The following EXOC2 variants were observed in gnomAD, a reference collection of about 807,000 sequenced individuals.
EXOC2 encodes the protein SEC5-like 1.
EXOC2 carries 70 observed loss-of-function variants against 131.8 expected under a neutral mutation model. The ratio of observed to expected loss-of-function variants is 0.53; its 90% CI spans 0.44 to 0.65. EXOC2 has a LOEUF of 0.65. Ranked by LOEUF, EXOC2 falls within the 30% of genes least tolerant of loss-of-function variation. The probability of loss-of-function intolerance (pLI) is 0.00; values close to 1 mark genes in which losing one functional copy is unlikely to be tolerated. For missense variants in EXOC2, 923 were observed against 1,108.6 expected (o/e 0.83, Z 2.38); for synonymous variants, 411 against 398.4 (o/e 1.03, Z -0.38).
rs185260534 is a variant in EXOC2, at chr6:593,377, G to A, written c.1074-790C>T. Among the ~76,000 whole-genome samples, 447 of 152,250 alleles carry A rather than the reference G, an allele frequency of 2.9e-3. 3 individuals carry two copies. Among genetic ancestry groups the A allele is most frequent in the African/African-American group, 0.01 (431 of 41,542 alleles). The stretch of plus-strand genomic sequence containing the variant: ...AAAACTAGCTAAATGAGGGCTAACC[G>A]AACTGTGAAGAGATTTGGTGACAAC... On this transcript the variant is annotated intron_variant, in intron 10 of 27. Transcript: ENST00000230449.
At chr6:622,661 G>A (rs550170300) in intron 4 of EXOC2, among the ~76,000 whole-genome samples, 23 of 152,304 alleles carry the variant, frequency 1.5e-4, no homozygotes, top group African/African-American at 4.3e-4. Flanking sequence ...TGGCAGCTAC[G>A]TCATACTCCA....
At chr6:554,836 A>C (rs1757335585) in intron 20 of EXOC2, among the ~76,000 whole-genome samples, 1 of 152,344 alleles carries the variant, frequency 6.6e-6, no homozygotes, top group Middle Eastern at 3.4e-3. Flanking sequence ...CTGGAGCTCC[A>C]ATAACTAAGC....
chr6:572,525 T>C lies in EXOC2; in HGVS notation c.1438A>G (p.Ser480Gly). Residue 480 changes from serine (S) to glycine (G), a missense_variant, in exon 13 of 28, where the codon AGT (serine) becomes GGT (glycine). Coordinates refer to ENST00000230449, the MANE Select transcript of EXOC2 (RefSeq NM_018303.6). ...WISYVNGSLF[S>G]ETAEKSGQIE... ...AGCCGAGTCCGTATACACACCTCAC[T>C]GAAGAGGCTTCCATTAACGTAGGAG... 6.2e-7 allele frequency: 1 copy of C among 1,613,924 alleles called. No homozygotes were observed. Among genetic ancestry groups the C allele is most frequent in the Non-Finnish European group, 8.5e-7 (1 of 1,179,914 alleles).
At chr6:490,257 TCTAAAA>T (rs1057459938) in intron 26 of EXOC2, among the ~76,000 whole-genome samples, 3 of 152,174 alleles carry the variant, frequency 2.0e-5, no homozygotes, top group African/African-American at 4.8e-5. Context: ...TACCTTATAC[TCTAAAA>T]CTAAGTCAGC....
chr6:660,003 G>C (rs561224751), intron 1 of EXOC2, among the ~76,000 whole-genome samples: 1 of 150,472 alleles, frequency 6.6e-6, no homozygotes, highest in African/African-American at 2.4e-5. Context: ...GTTGGGGGGG[G>C]GACACGGGGG....
chr6:649,154 A>G (rs1327033366), intron 1 of EXOC2, among the ~76,000 whole-genome samples: 1 of 152,164 alleles, frequency 6.6e-6, no homozygotes, highest in Non-Finnish European at 1.5e-5. Flanking sequence ...CCTCCAGAGT[A>G]GCTGGAACTA....
At chr6:604,289 G>A (rs1760273182) in intron 7 of EXOC2, among the ~76,000 whole-genome samples, 1 of 152,126 alleles carries the variant, frequency 6.6e-6, no homozygotes, top group Admixed American at 6.5e-5. Flanking sequence ...TTTTCCCTAT[G>A]TAACATGTCA....
At chr6:604,217 G>A (rs747209345) in intron 7 of EXOC2, among the ~76,000 whole-genome samples, 3 of 151,996 alleles carry the variant, frequency 2.0e-5, no homozygotes, top group Non-Finnish European at 4.4e-5. Context: ...CTCCTTATGC[G>A]CCAAACGTGC....
chr6:656,694 G>A (rs146735242), intron 1 of EXOC2: 3 of 1,605,640 alleles, frequency 1.9e-6, no homozygotes, highest in East Asian at 2.2e-5. Flanking sequence ...CAGGTGCTCC[G>A]CCGTCAGCTC....
At chr6:535,746 CACAA>C (rs1766404847) in intron 22 of EXOC2, among the ~76,000 whole-genome samples, 1 of 152,124 alleles carries the variant, frequency 6.6e-6, no homozygotes. Context: ...TTATAGCACA[CACAA>C]ACATTTTCAT....
intron 17 of EXOC2, among the ~76,000 whole-genome samples, chr6:560,176 T>G (rs1258540346): frequency 2.0e-5 from 3 of 152,240 alleles, no homozygotes. Flanking sequence ...TGTCCAGAGC[T>G]TTGCAGTTTA....
chr6:608,096 T>A (rs578017880), intron 7 of EXOC2, among the ~76,000 whole-genome samples: 35 of 152,386 alleles, frequency 2.3e-4, no homozygotes, highest in African/African-American at 8.4e-4. Context: ...CTCATACTCA[T>A]TTATGCTTTC....
chr6:649,700 C>T (rs139066687), intron 1 of EXOC2, among the ~76,000 whole-genome samples: 317 of 152,282 alleles, frequency 2.1e-3, no homozygotes, highest in African/African-American at 6.8e-3. Flanking sequence ...TAAATATACA[C>T]GCAAGAGTAA....
chr6:576,234 T>A (rs1758569851), intron 12 of EXOC2, among the ~76,000 whole-genome samples: 1 of 152,148 alleles, frequency 6.6e-6, no homozygotes. Flanking sequence ...TCATGTTGTA[T>A]CTCAAATAGG....
intron 22 of EXOC2, among the ~76,000 whole-genome samples, chr6:548,069 T>A (rs537476750): frequency 1.4e-4 from 22 of 152,200 alleles, no homozygotes; most frequent in Non-Finnish European, 2.6e-4. Context: ...GCAACCACCT[T>A]CTACAAATAG....
chr6:505,090 C>T (rs935324054), intron 23 of EXOC2, among the ~76,000 whole-genome samples: 1 of 151,244 alleles, frequency 6.6e-6, no homozygotes, highest in African/African-American at 2.4e-5. Context: ...TTGAGTGGTA[C>T]AAGGAATGGC....
rs764311872 is a variant in EXOC2, at chr6:562,835, T to A, written c.1800A>T (p.Arg600Ser). The A allele has an allele frequency of 8.2e-6, 13 of 1,592,082 alleles. No homozygotes were observed. The highest frequency in any genetic ancestry group is 1.2e-5 in the South Asian group (1 of 84,524). Residue 600 changes from arginine (R) to serine (S), a missense_variant, in exon 17 of 28, where the codon AGA becomes AGT. Arg to Ser is a moderately radical substitution (Grantham distance 110). Coordinates refer to ENST00000230449, the MANE Select transcript of EXOC2 (RefSeq NM_018303.6). The stretch of plus-strand genomic sequence containing the variant: ...CAATCCAGTCTTCTTTTTCAGCTAA[T>A]CTCTTTATTTCTATATGAGAAGAAG... ...TLQHTAEEIK[R>S]LAEKEDWIVD...
rs527237849 is a variant in EXOC2 at position 691,822 on chromosome 6, A to G, written c.-44+1197T>C. ...ACTTCCAAGAGTTGGTCCAAGTCAC[A>G]CTGGGGGAACTCTGCTTCTCTGCTT... On this transcript the variant is annotated intron_variant, in intron 1 of 27. Coordinates refer to ENST00000230449, the MANE Select transcript of EXOC2 (RefSeq NM_018303.6). 3.9e-5 allele frequency among the ~76,000 whole-genome samples: 6 copies of G among 152,374 alleles called. No individual in the cohort carries two copies. The South Asian group carries it at 1.2e-3, about 32-fold the overall frequency.
At chr6:564,432 A>G (rs1581447500) in intron 15 of EXOC2, 113 bp downstream of exon 15, 3 of 1,431,832 alleles carry the variant, frequency 2.1e-6, no homozygotes, top group East Asian at 4.6e-5. Flanking sequence ...GTGGAGGCAA[A>G]AGGACAAAAA....
Sources: allele counts gnomAD v4.1 joint callset (sites outside exome capture counted in the v4.1 genomes callset), GRCh38; gene constraint gnomAD v4.1.1; transcripts MANE v1.5; gene names NCBI Gene and HGNC (gene_info 2026-07-23, HGNC 2026-07-21).